TAF1A: variants seen among roughly 807,000 people sequenced by gnomAD.
The protein encoded by TAF1A is TATA-box binding protein associated factor, RNA polymerase I subunit A.
In TAF1A, 42 loss-of-function variants were observed where a neutral mutation model predicts 61.6. The ratio of observed to expected loss-of-function variants is 0.68; its 90% CI spans 0.53 to 0.88. TAF1A has a LOEUF of 0.88. Ranked by LOEUF, TAF1A falls within the 40% of genes least tolerant of loss-of-function variation. The pLI is 0.00. For synonymous variants in TAF1A, 179 were observed against 177.7 expected (o/e 1.01, Z -0.06); for missense variants, 424 against 518.7 (o/e 0.82, Z 1.77).
chr1:222,555,779 T>C (rs530841735), downstream of TAF1A, among the ~76,000 whole-genome samples: 55 of 152,326 alleles, frequency 3.6e-4, no homozygotes, highest in African/African-American at 1.3e-3. Flanking sequence ...ATTAGCTTGA[T>C]TATAGTGATA....
intron 3 of TAF1A, among the ~76,000 whole-genome samples, chr1:222,582,427 C>CACAACCACA (rs1660822808): frequency 6.6e-6 from 1 of 152,158 alleles, no homozygotes; most frequent in Non-Finnish European, 1.5e-5. Context: ...TGACTATTAT[C>CACAACCACA]AGTAAGACAG....
At chr1:222,559,093 TC>T (rs1659812344) in intron 10 of TAF1A, among the ~76,000 whole-genome samples, 1 of 152,214 alleles carries the variant, frequency 6.6e-6, no homozygotes, top group East Asian at 1.9e-4. Context: ...TTTCTACTCT[TC>T]CTCCTACACC....
At chr1:222,557,528 G>A (rs1208462673), downstream of TAF1A, among the ~76,000 whole-genome samples, 2 of 152,154 alleles carry the variant, frequency 1.3e-5, no homozygotes, top group Non-Finnish European at 2.9e-5. Flanking sequence ...TCAGCTCACT[G>A]CAGCCTCCGC....
chr1:222,575,213 T>C (rs769959883), intron 5 of TAF1A, among the ~76,000 whole-genome samples: 4 of 151,928 alleles, frequency 2.6e-5, no homozygotes, highest in Non-Finnish European at 4.4e-5. Flanking sequence ...AGACATTATA[T>C]GGAAAAAAAT....
In TAF1A at chr1:222,589,818, A is replaced by T; in HGVS notation, c.-94T>A. The T allele has an allele frequency of 2.7e-6, 1 of 372,222 alleles. No homozygotes were observed. Among genetic ancestry groups the T allele is most frequent in the Non-Finnish European group, 4.8e-6 (1 of 209,468 alleles). The allele number at this position is 372,222 out of a possible 1,614,324, so 23.1% of individuals were successfully genotyped here. A position where few individuals can be genotyped will look rare whatever the true frequency, so the allele number is the denominator to read the frequency against. ...TTCCCACCGGAAGACGAGTTAGGAG[A>T]GCTTTATATGAGCAGGCGCTAAACC... On this transcript the variant is annotated 5_prime_UTR_variant, in exon 1 of 11. Transcript: ENST00000352967.
rs1303212571 is a variant in TAF1A at position 222,579,796 on chromosome 1, T to A, written c.368A>T (p.Asn123Ile). 10 of 1,611,554 alleles carry A rather than the reference T, an allele frequency of 6.2e-6. No individual in the cohort carries two copies. Among genetic ancestry groups the A allele is most frequent in the Non-Finnish European group, 7.6e-6 (9 of 1,179,440 alleles). The part of the protein sequence containing the change: ...SNMESFNTFA[N>I]RMKNIGVMNY... ...CATGACGCCAATATTTTTCATCCGG[T>A]TAGCAAAAGTATTGAAACTCTCCAT... Residue 123 changes from asparagine to isoleucine, a missense_variant, in exon 4 of 11, where the codon AAC becomes ATC. Coordinates refer to ENST00000352967, the MANE Select transcript of TAF1A (RefSeq NM_005681.4).
In TAF1A at chr1:222,575,786, T is replaced by C. The variant is rs964754217; in HGVS notation, c.604+1659A>G. 2.6e-5 allele frequency among the ~76,000 whole-genome samples: 4 copies of C among 152,230 alleles called. No individual in the cohort carries two copies. The South Asian group carries it at 8.3e-4, about 32-fold the overall frequency. On this transcript the variant is annotated intron_variant, in intron 5 of 10. Coordinates refer to ENST00000352967, the MANE Select transcript of TAF1A (RefSeq NM_005681.4). Reference sequence around the variant, plus strand: ...AGCTCTACATATTATCCCATCATCATCTATTGTTGCTACAGAACTGTCAGC... The same window carrying C: ...AGCTCTACATATTATCCCATCATCACCTATTGTTGCTACAGAACTGTCAGC...
chr1:222,555,020 A>G (rs1026488805), downstream of TAF1A, among the ~76,000 whole-genome samples: 16 of 152,252 alleles, frequency 1.1e-4, no homozygotes, highest in African/African-American at 3.9e-4. Context: ...AAAGAAATTC[A>G]AATTGCTAAC....
intron 5 of TAF1A, among the ~76,000 whole-genome samples, chr1:222,574,313 A>T (rs1660481239): frequency 6.6e-6 from 1 of 152,232 alleles, no homozygotes; most frequent in Admixed American, 6.5e-5. Flanking sequence ...AGATCACTAC[A>T]CCCAACAAAT....
At chr1:222,570,716 T>C (rs1660317936) in intron 5 of TAF1A, 51 bp from the exon 6 acceptor site, 1 of 1,480,198 alleles carries the variant, frequency 6.8e-7, no homozygotes, top group Non-Finnish European at 9.1e-7. Context: ...TGAGGACCTC[T>C]GTTAAATTAG....
rs1365292278 is a variant in TAF1A at position 222,569,668 on chromosome 1, TC to T, written c.736-1del. The T allele has an allele frequency of 6.2e-7, 1 of 1,609,460 alleles. No homozygotes were observed. The highest frequency in any genetic ancestry group is 8.5e-7 in the Non-Finnish European group (1 of 1,178,578). ...TCTCGATCCCCATAGAATTCCAGCATCTATATAAAATAAATCATAATATCTT... is the reference window on the plus strand; with the variant it reads ...TCTCGATCCCCATAGAATTCCAGCATTATATAAAATAAATCATAATATCTT... On this transcript the variant is annotated splice_acceptor_variant, in intron 6 of 10. Transcript: ENST00000352967. LOFTEE classifies it high-confidence loss of function.
rs544602243 is a variant in TAF1A, at chr1:222,588,304, T to C, written c.121+139A>G. ...GCAAAGAATTCTAAAAGAAAAAAGA[T>C]TTCTTTTGGCTTTTAGCCAAAAAAC... On this transcript the variant is annotated intron_variant, in intron 2 of 10. Coordinates refer to ENST00000352967, the MANE Select transcript of TAF1A (RefSeq NM_005681.4). The C allele has an allele frequency of 3.4e-5, 34 of 1,012,526 alleles. No homozygotes were observed. The African/African-American group carries it at 5.0e-4, about 15-fold the overall frequency. The allele number at this position is 1,012,526 out of a possible 1,614,324, so 62.7% of individuals were successfully genotyped here.
chr1:222,589,693 C>T (rs1354035187), intron 1 of TAF1A, 34 bp downstream of exon 1: 1 of 189,924 alleles, frequency 5.3e-6, no homozygotes, highest in African/African-American at 2.3e-5. Flanking sequence ...TCCATTTAAA[C>T]GCAGGAACCA....
chr1:222,579,812 A>T lies in TAF1A; in HGVS notation c.352T>A (p.Phe118Ile), dbSNP rs1660714237. The T allele has an allele frequency of 6.2e-7, 1 of 1,611,848 alleles. No individual in the cohort carries two copies. Among genetic ancestry groups the T allele is most frequent in the Admixed American group, 1.7e-5 (1 of 59,448 alleles). The change falls in exon 4 of 11, where the codon TTC (phenylalanine) becomes ATC (isoleucine). Residue 118 changes from phenylalanine to isoleucine, a missense_variant. Phe to Ile is a conservative substitution (Grantham distance 21, BLOSUM62 0). Transcript: ENST00000352967. ...FYHPKSNMESFNTFANRMKNI... is the reference protein window; with the variant it reads ...FYHPKSNMESINTFANRMKNI... Reference sequence around the variant, plus strand: ...TTCATCCGGTTAGCAAAAGTATTGAAACTCTCCATGTTGCTTTTGGGATGA... The same window carrying T: ...TTCATCCGGTTAGCAAAAGTATTGATACTCTCCATGTTGCTTTTGGGATGA...
intron 1 of TAF1A, 26 bp from the exon 2 acceptor site, chr1:222,588,591 C>T: frequency 1.9e-6 from 3 of 1,609,062 alleles, no homozygotes; most frequent in Non-Finnish European, 2.5e-6. Context: ...ATATCAGTTA[C>T]TTTCTGTACA....
chr1:222,579,994 C>A (rs961181188), intron 3 of TAF1A, 122 bp from the exon 4 acceptor site: 3 of 1,154,564 alleles, frequency 2.6e-6, no homozygotes, highest in Non-Finnish European at 3.5e-6. Flanking sequence ...AGACCACTAC[C>A]GTCAACATTT....
chr1:222,582,614 A>C (rs866207231), intron 3 of TAF1A, among the ~76,000 whole-genome samples: 26 of 152,222 alleles, frequency 1.7e-4, no homozygotes, highest in African/African-American at 5.8e-4. Context: ...GGAGAAATTA[A>C]AACAAACGTC....
rs142017341 is a variant in TAF1A at position 222,569,738 on chromosome 1, A to G, written c.736-70T>C. ...AGCTATACGAAAAATAATACACAGCATAAGTTTACTGATGGGTATTTTTTA... is the reference window on the plus strand; with the variant it reads ...AGCTATACGAAAAATAATACACAGCGTAAGTTTACTGATGGGTATTTTTTA... On this transcript the variant is annotated intron_variant, in intron 6 of 10. Coordinates refer to ENST00000352967, the MANE Select transcript of TAF1A (RefSeq NM_005681.4). The G allele has an allele frequency of 2.4e-5, 33 of 1,386,502 alleles. No individual in the cohort carries two copies. In the African/African-American group the frequency reaches 3.2e-4, roughly 13 times the overall value. 85.9% of individuals were successfully genotyped at this position (1,386,502 alleles called of 1,614,324 possible).
chr1:222,582,479 C>A (rs571806953), intron 3 of TAF1A, among the ~76,000 whole-genome samples: 1 of 152,252 alleles, frequency 6.6e-6, no homozygotes, highest in Admixed American at 6.5e-5. Context: ...AAATTAGAAG[C>A]CTCAGATATT....
Sources: gnomAD v4.1 joint callset for allele counts (sites outside exome capture counted in the v4.1 genomes callset) on GRCh38, gnomAD v4.1.1 for gene constraint, MANE v1.5 for transcripts, NCBI Gene and HGNC (gene_info 2026-07-23, HGNC 2026-07-21) for gene names.